Variants in MAGI2 observed in about 807,000 individuals in gnomAD.
MAGI2 encodes membrane associated guanylate kinase, WW and PDZ domain containing 2.
Under a neutral mutation model 133.3 loss-of-function variants are expected in MAGI2, and 35 were observed. The ratio of observed to expected loss-of-function variants is 0.26; its 90% CI spans 0.20 to 0.35. The LOEUF is 0.35. MAGI2 is among the 10% of genes least tolerant of loss of function. The probability of loss-of-function intolerance (pLI) is 1.00; values close to 1 mark genes in which losing one functional copy is unlikely to be tolerated. For synonymous variants in MAGI2, 729 were observed against 710.6 expected (o/e 1.03, Z -0.41); for missense variants, 1,636 against 1,863.4 (o/e 0.88, Z 2.25).
intron 2 of MAGI2, among the ~76,000 whole-genome samples, chr7:78,915,069 T>C (rs1798687736): frequency 6.6e-6 from 1 of 152,120 alleles, no homozygotes. Context: ...GTAGAGAAAA[T>C]GCCCTGGAGA....
intron 2 of MAGI2, among the ~76,000 whole-genome samples, chr7:78,638,953 T>C (rs1809976191): frequency 1.3e-5 from 2 of 152,196 alleles, no homozygotes; most frequent in Non-Finnish European, 2.9e-5. Flanking sequence ...TGACTTTCTA[T>C]AGAAACAATA....
chr7:78,647,940 GAACAA>G (rs1410916991), intron 2 of MAGI2, among the ~76,000 whole-genome samples: 1 of 152,084 alleles, frequency 6.6e-6, no homozygotes, highest in East Asian at 1.9e-4. Flanking sequence ...AGTGGGAGTT[GAACAA>G]TGAGAACACA....
intron 2 of MAGI2, among the ~76,000 whole-genome samples, chr7:78,760,363 T>C (rs74663173): frequency 0.066 from 9,290 of 141,370 alleles, 327 homozygotes; most frequent in Admixed American, 0.11. Context: ...AATTCTCTCT[T>C]TTTTTTTTTT....
chr7:79,036,664 T>G (rs1446533826), intron 1 of MAGI2, among the ~76,000 whole-genome samples: 3 of 151,866 alleles, frequency 2.0e-5, no homozygotes, highest in Non-Finnish European at 4.4e-5. Flanking sequence ...TTCAGGGATT[T>G]TTTTTTCCCC....
chr7:79,397,835 G>A (rs1041990736), intron 1 of MAGI2, among the ~76,000 whole-genome samples: 20 of 152,034 alleles, frequency 1.3e-4, no homozygotes, highest in African/African-American at 3.9e-4. Flanking sequence ...TATATTAAAT[G>A]AATTAGCTTT....
intron 21 of MAGI2, among the ~76,000 whole-genome samples, chr7:78,069,144 A>C (rs982585288): frequency 6.6e-6 from 1 of 152,186 alleles, no homozygotes; most frequent in Admixed American, 6.5e-5. Flanking sequence ...CTGACAAGTC[A>C]TAGAATGGAG....
intron 2 of MAGI2, among the ~76,000 whole-genome samples, chr7:78,953,022 A>G (rs1450558507): frequency 1.3e-5 from 2 of 152,178 alleles, no homozygotes; most frequent in Non-Finnish European, 2.9e-5. Context: ...TAAGGAGAAG[A>G]AGCCATCTGT....
intron 1 of MAGI2, among the ~76,000 whole-genome samples, chr7:79,197,867 T>G (rs575535627): frequency 6.6e-6 from 1 of 151,936 alleles, no homozygotes; most frequent in Admixed American, 6.6e-5. Flanking sequence ...TAATATCATA[T>G]CACTTCACAA....
At chr7:78,191,068 G>A (rs1202618274) in intron 12 of MAGI2, among the ~76,000 whole-genome samples, 1 of 152,120 alleles carries the variant, frequency 6.6e-6, no homozygotes, top group East Asian at 1.9e-4. Context: ...TCTTTTCTGG[G>A]AATTGGTAGT....
At chr7:78,543,463 G>T (rs1441456422) in intron 3 of MAGI2, among the ~76,000 whole-genome samples, 1 of 152,088 alleles carries the variant, frequency 6.6e-6, no homozygotes, top group East Asian at 1.9e-4. Flanking sequence ...TTTTAAAAAA[G>T]GTATATTGTT....
intron 1 of MAGI2, among the ~76,000 whole-genome samples, chr7:79,363,181 A>C (rs1842469298): frequency 6.6e-6 from 1 of 151,330 alleles, no homozygotes; most frequent in Non-Finnish European, 1.5e-5. Context: ...AATTTAAAAC[A>C]GTACAATTTT....
chr7:78,244,802 G>GA, intron 10 of MAGI2, among the ~76,000 whole-genome samples: 1 of 151,232 alleles, frequency 6.6e-6, no homozygotes, highest in Non-Finnish European at 1.5e-5. Flanking sequence ...AGTCAAAGGA[G>GA]AAAATAATAA....
intron 1 of MAGI2, among the ~76,000 whole-genome samples, chr7:79,274,542 A>G (rs1835099503): frequency 6.6e-6 from 1 of 151,562 alleles, no homozygotes; most frequent in Non-Finnish European, 1.5e-5. Flanking sequence ...ATGCAAAATG[A>G]CATCATTACA....
chr7:78,648,354 C>A (rs1273466484), intron 2 of MAGI2, among the ~76,000 whole-genome samples: 1 of 152,126 alleles, frequency 6.6e-6, no homozygotes, highest in Non-Finnish European at 1.5e-5. Flanking sequence ...ATGCTCAGTA[C>A]GTTGCAGTAA....
chr7:79,252,795 G>A (rs1468771244), intron 1 of MAGI2, among the ~76,000 whole-genome samples: 1 of 152,016 alleles, frequency 6.6e-6, no homozygotes, highest in Non-Finnish European at 1.5e-5. Flanking sequence ...AATATTAAGA[G>A]ACAAATTCTT....
chr7:79,219,907 A>T (rs551814633), intron 1 of MAGI2, among the ~76,000 whole-genome samples: 2 of 152,168 alleles, frequency 1.3e-5, no homozygotes, highest in South Asian at 4.1e-4. Context: ...TTCCTATAGA[A>T]AATTGAGATT....
At chr7:79,000,388 C>T (rs1014066231) in intron 2 of MAGI2, 1 of 152,084 alleles carries the variant, frequency 6.6e-6, no homozygotes, top group Admixed American at 6.6e-5. Flanking sequence ...AACACATTGC[C>T]TTGTTAGATG....
At chr7:78,299,187 G>A (rs1030651450) in intron 9 of MAGI2, among the ~76,000 whole-genome samples, 6 of 152,076 alleles carry the variant, frequency 3.9e-5, no homozygotes, top group Non-Finnish European at 8.8e-5. Context: ...GTAAAATAAC[G>A]TATGGCAAAT....
intron 1 of MAGI2, among the ~76,000 whole-genome samples, chr7:79,194,543 C>G (rs906014387): frequency 1.3e-5 from 2 of 151,802 alleles, no homozygotes; most frequent in Admixed American, 1.3e-4. Context: ...ATTCTGGAAT[C>G]AAAATTTTCT....
Sources: allele counts gnomAD v4.1 joint callset (sites outside exome capture counted in the v4.1 genomes callset), GRCh38; gene constraint gnomAD v4.1.1; transcripts MANE v1.5; gene names NCBI Gene and HGNC (gene_info 2026-07-23, HGNC 2026-07-21).